Variants in LRRC23 observed in about 807,000 individuals in gnomAD.
The protein encoded by LRRC23 is leucine-rich repeat-containing protein 23.
In LRRC23, 28 loss-of-function variants were observed where a neutral mutation model predicts 37.7. The ratio of observed to expected loss-of-function variants is 0.74; its 90% confidence interval spans 0.55 to 1.02. LRRC23 has a LOEUF of 1.02. Among genes scored for constraint, LRRC23 ranks in the 50% least tolerant of loss-of-function variants. LRRC23 has a pLI of 0.00. For synonymous variants in LRRC23, 161 were observed against 165.4 expected, an observed-to-expected ratio of 0.97 and a Z score of 0.20; for missense variants, 377 against 413.2, an observed-to-expected ratio of 0.91 and a Z score of 0.76.
In LRRC23 at chr12:6,912,791, G is replaced by A; in HGVS notation, c.820G>A (p.Ala274Thr). ...GCTTCGAGACCTGCCCAAGCTGCGAGCGTTGGTGCTGCTTGATAACCCATG... is the reference window on the plus strand; with the variant it reads ...GCTTCGAGACCTGCCCAAGCTGCGAACGTTGGTGCTGCTTGATAACCCATG... The part of the protein sequence containing the change: ...AKLRDLPKLR[A>T]LVLLDNPCTD... The change falls in exon 7 of 8, where the codon GCG (alanine) becomes ACG (threonine). Residue 274 changes from alanine (A) to threonine (T), a missense_variant. Physicochemically the swap from Ala to Thr is moderately conservative, Grantham distance 58. Coordinates refer to ENST00000443597, the MANE Select transcript of LRRC23 (RefSeq NM_001135217.2). 1 of 1,614,166 alleles carries A rather than the reference G, an allele frequency of 6.2e-7. No homozygotes were observed. The highest frequency in any genetic ancestry group is 8.5e-7 in the Non-Finnish European group (1 of 1,180,026).
In LRRC23 at chr12:6,914,023, C is replaced by T; in HGVS notation, c.*157C>T. The stretch of plus-strand genomic sequence containing the variant: ...ATCACAACCTGAGGCCCAGGATCTG[C>T]TCTGTGCCGGTCCTCTGGGCAGTGT... On this transcript the variant is annotated 3_prime_UTR_variant, in exon 8 of 8. Coordinates refer to ENST00000443597, the MANE Select transcript of LRRC23 (RefSeq NM_001135217.2). This position sits in a 1 kb window ranked among gnomAD's most constrained non-coding sequence, Gnocchi z 7.1. The T allele has an allele frequency of 6.2e-7, 1 of 1,612,842 alleles. No homozygotes were observed. Among genetic ancestry groups the T allele is most frequent in the African/African-American group, 1.3e-5 (1 of 74,964 alleles).
chr12:6,909,114 CATATAAT>C (rs1455413296), intron 5 of LRRC23, among the ~76,000 whole-genome samples: 8 of 5,374 alleles, frequency 1.5e-3, no homozygotes, highest in Admixed American at 2.5e-3. Flanking sequence ...TATATAATTA[CATATAAT>C]ATATAATATA....
chr12:6,907,925 G>A lies in LRRC23; in HGVS notation c.621+480G>A, dbSNP rs138545435. Among the ~76,000 whole-genome samples the A allele has an allele frequency of 5.3e-5, 8 of 152,210 alleles. No homozygotes were observed. The South Asian group carries it at 8.3e-4, about 16-fold the overall frequency. The stretch of plus-strand genomic sequence containing the variant: ...TCAAATCCCACAGATTGAGGGCTCG[G>A]TTCCCAAGAGTGACCCCTACACCGC... On this transcript the variant is annotated intron_variant, in intron 5 of 7. Coordinates refer to ENST00000443597, the MANE Select transcript of LRRC23 (RefSeq NM_001135217.2).
chr12:6,908,892 G>T (rs1202074915), intron 5 of LRRC23, among the ~76,000 whole-genome samples: 69 of 142,900 alleles, frequency 4.8e-4, no homozygotes, highest in African/African-American at 1.7e-3. Context: ...CTTTCTCTTG[G>T]AGCAGGTGAA....
chr12:6,912,892 T>TGAG lies in LRRC23; in HGVS notation c.930_932dup (p.Glu311dup), dbSNP rs782006428. 12 of 1,613,770 alleles carry TGAG rather than the reference T, an allele frequency of 7.4e-6. No homozygotes were observed. The highest frequency in any genetic ancestry group is 9.3e-6 in the Non-Finnish European group (11 of 1,179,948). On this transcript the variant is annotated inframe_insertion, in exon 7 of 8. Transcript: ENST00000443597. ...TTGAACGCCTGGACAAGGAATTCTA[T>TGAG]GAGGAGGAGGAACGGGCTGAGGCTG...
chr12:6,913,233 G>A (rs1945212907), intron 7 of LRRC23: 1 of 561,160 alleles, frequency 1.8e-6, no homozygotes, highest in Non-Finnish European at 3.1e-6. Context: ...TAGGAGGCCA[G>A]AAGAGTAAGT....
intron 4 of LRRC23, 112 bp from the exon 5 acceptor site, chr12:6,907,203 A>T (rs1944969597): frequency 7.7e-7 from 1 of 1,293,908 alleles, no homozygotes; most frequent in Non-Finnish European, 1.1e-6. Context: ...GGCCTTCCTC[A>T]GTATCTACCC....
Position 6,907,531 on chromosome 12 carries a change from T to G in LRRC23, c.621+86T>G, listed in dbSNP as rs782504150. 2.2e-6 allele frequency: 3 copies of G among 1,350,914 alleles called. No individual in the cohort carries two copies. In the East Asian group the frequency reaches 6.9e-5, roughly 31 times the overall value. The allele number at this position is 1,350,914 out of a possible 1,614,324, so 83.7% of individuals were successfully genotyped here. Reference sequence around the variant, plus strand: ...CCTGCTTTCTAGTAGGCTCAGCTACTAACTTCATCATTATGATAATAACTG... The same window carrying G: ...CCTGCTTTCTAGTAGGCTCAGCTACGAACTTCATCATTATGATAATAACTG... On this transcript the variant is annotated intron_variant, in intron 5 of 7. Coordinates refer to ENST00000443597, the MANE Select transcript of LRRC23 (RefSeq NM_001135217.2).
At chr12:6,911,713 A>G (rs1945165035) in intron 6 of LRRC23, among the ~76,000 whole-genome samples, 1 of 152,218 alleles carries the variant, frequency 6.6e-6, no homozygotes, top group African/African-American at 2.4e-5. Flanking sequence ...CCAGAACATG[A>G]AAATAAATAA....
intron 6 of LRRC23, 36 bp downstream of exon 6, chr12:6,910,062 C>G (rs782524994): frequency 1.3e-6 from 2 of 1,570,160 alleles, no homozygotes; most frequent in African/African-American, 2.7e-5. Flanking sequence ...TTGCCCCTAC[C>G]CCTGACCAGG....
At chr12:6,907,920 G>C (rs868942477) in intron 5 of LRRC23, among the ~76,000 whole-genome samples, 1 of 152,062 alleles carries the variant, frequency 6.6e-6, no homozygotes, top group African/African-American at 2.4e-5. Context: ...CAGATTGAGG[G>C]CTCGGTTCCC....
At chr12:6,908,881 G>T (rs1160634031) in intron 5 of LRRC23, among the ~76,000 whole-genome samples, 1 of 142,834 alleles carries the variant, frequency 7.0e-6, no homozygotes, top group East Asian at 2.0e-4. Context: ...AAAGATTAGC[G>T]CTTTCTCTTG....
rs782469428 is a variant in LRRC23, at chr12:6,909,936, A to G, written c.668A>G (p.Asn223Ser). ...GTGGAAGGCTTGGAGGATCTGAGCA[A>G]TCTCACCACCTTGCATCTTCGAGAC... ...KKVEGLEDLS[N>S]LTTLHLRDNQ... The change falls in exon 6 of 8, where the codon AAT becomes AGT. Residue 223 changes from asparagine (N) to serine (S), a missense_variant. Transcript: ENST00000443597. The G allele has an allele frequency of 1.2e-6, 2 of 1,613,850 alleles. No homozygotes were observed. Among genetic ancestry groups the G allele is most frequent in the South Asian group, 1.1e-5 (1 of 91,062 alleles).
At position 6,911,522 on chromosome 12, in the gene LRRC23, G is replaced by C. The variant is rs58091106; in HGVS notation, c.759-1208G>C. Among the ~76,000 whole-genome samples the C allele has an allele frequency of 9.1e-4, 138 of 151,724 alleles. 2 individuals are homozygous for C. The East Asian group carries it at 0.026, about 28-fold the overall frequency. The stretch of plus-strand genomic sequence containing the variant: ...AAGTCGGGTGTGTGTGTGGAGGGGG[G>C]TGAGGGTGTCTCAATGATTGGCAGG... On this transcript the variant is annotated intron_variant, in intron 6 of 7. Coordinates refer to ENST00000443597, the MANE Select transcript of LRRC23 (RefSeq NM_001135217.2).
intron 7 of LRRC23, chr12:6,913,238 G>A (rs1160279275): frequency 3.7e-6 from 2 of 543,196 alleles, no homozygotes; most frequent in Non-Finnish European, 6.5e-6. Context: ...GGCCAGAAGA[G>A]TAAGTGAAAA....
At chr12:6,906,303 C>T in intron 3 of LRRC23, 106 bp from the exon 4 acceptor site, 1 of 1,109,072 alleles carries the variant, frequency 9.0e-7, no homozygotes, top group Non-Finnish European at 1.3e-6. Context: ...CATTCTTCTC[C>T]CCATTATAAG....
intron 6 of LRRC23, among the ~76,000 whole-genome samples, chr12:6,911,596 C>G (rs1555140758): frequency 6.6e-6 from 1 of 152,128 alleles, no homozygotes; most frequent in Admixed American, 6.6e-5. Context: ...ATGGCAGAGT[C>G]CAGTACAAAG....
In LRRC23 at chr12:6,914,098, C is replaced by T. The variant is rs782028226; in HGVS notation, c.*232C>T. On this transcript the variant is annotated 3_prime_UTR_variant, in exon 8 of 8. Coordinates refer to ENST00000443597, the MANE Select transcript of LRRC23 (RefSeq NM_001135217.2). This position sits in a 1 kb window ranked among gnomAD's most constrained non-coding sequence, Gnocchi z 7.1. ...CCTGAGCGTTGCCTGGAGCCTAGGC[C>T]GGGGGCCGCCCTCGGGCAGGCGTGG... 9.2e-6 allele frequency: 14 copies of T among 1,517,164 alleles called. No homozygotes were observed. The highest frequency in any genetic ancestry group is 4.6e-4 in the Middle Eastern group (2 of 4,338). 94.0% of individuals were successfully genotyped at this position (1,517,164 alleles called of 1,614,324 possible).
chr12:6,913,970 C>T lies in LRRC23; in HGVS notation c.*104C>T, dbSNP rs782639267. ...CATGTATGACAGAGAACAGAGGATG[C>T]CTGTTTTTGCCCCAAAGCTGGAAAT... On this transcript the variant is annotated 3_prime_UTR_variant, in exon 8 of 8. Coordinates refer to ENST00000443597, the MANE Select transcript of LRRC23 (RefSeq NM_001135217.2). 6.2e-7 allele frequency: 1 copy of T among 1,613,900 alleles called. No homozygotes were observed. The highest frequency in any genetic ancestry group is 8.5e-7 in the Non-Finnish European group (1 of 1,179,880).
Sources: allele counts gnomAD v4.1 joint callset (sites outside exome capture counted in the v4.1 genomes callset), GRCh38; gene constraint gnomAD v4.1.1; non-coding constraint Gnocchi (gnomAD v3.1); transcripts MANE v1.5; gene names NCBI Gene and HGNC (gene_info 2026-07-23, HGNC 2026-07-21).